The following CLCN4 variants were observed in gnomAD, a reference collection of about 807,000 sequenced individuals.
CLCN4 encodes Cl-/H+ antiporter 4, also known as H(+)/Cl(-) exchange transporter 4.
In CLCN4, 1 loss-of-function variant was observed where a neutral mutation model predicts 41.7. The ratio of observed to expected loss-of-function variants is 0.02; its 90% CI spans 0.01 to 0.11. CLCN4 has a LOEUF of 0.11. Ranked by LOEUF, CLCN4 falls within the 10% of genes least tolerant of loss-of-function variation. The pLI, the probability that CLCN4 is intolerant of heterozygous loss-of-function variation, is 1.00. For missense variants in CLCN4, 287 were observed against 661.0 expected, an observed-to-expected ratio of 0.43 and a Z score of 6.20; for synonymous variants, 277 against 285.8, an observed-to-expected ratio of 0.97 and a Z score of 0.31.
chrX:10,205,433 A>G (rs1360840682), intron 6 of CLCN4, among the ~76,000 whole-genome samples: 1 of 97,519 alleles, frequency 1.0e-5, no homozygotes, highest in Non-Finnish European at 2.0e-5. Flanking sequence ...AGACCGCACC[A>G]CTGCACTCCA....
intron 2 of CLCN4, among the ~76,000 whole-genome samples, chrX:10,178,100 G>A (rs1172333638): frequency 6.4e-5 from 7 of 109,749 alleles, no homozygotes; most frequent in South Asian, 4.0e-4. Context: ...ATAGGCAAAC[G>A]CATAGGATGG....
chrX:10,178,359 G>A (rs1023302363), intron 2 of CLCN4, among the ~76,000 whole-genome samples: 6 of 111,431 alleles, frequency 5.4e-5, no homozygotes, highest in African/African-American at 2.0e-4. Context: ...AAGTCAGAAG[G>A]AAAAGGTCTC....
chrX:10,164,068 T>C (rs924496394), intron 2 of CLCN4, among the ~76,000 whole-genome samples: 9 of 112,436 alleles, frequency 8.0e-5, no homozygotes, highest in Non-Finnish European at 1.7e-4. Context: ...AGGAAGTAGC[T>C]GTTGGATAGG....
intron 2 of CLCN4, among the ~76,000 whole-genome samples, chrX:10,163,699 C>A: frequency 8.9e-6 from 1 of 112,390 alleles, no homozygotes; most frequent in Non-Finnish European, 1.9e-5. Context: ...AGCCACTGCT[C>A]CCGGCCCCTT....
rs747978592 is a variant in CLCN4 at position 10,222,785 on chromosome X, A to G, written c.2192+1908A>G. On this transcript the variant is annotated intron_variant, in intron 12 of 12. Transcript: ENST00000380833. Reference sequence around the variant, plus strand: ...GTCCTGGTAGCAAGCACACAGGGGGACAGGCTTTGCAATTTGCAGATTTAC... The same window carrying G: ...GTCCTGGTAGCAAGCACACAGGGGGGCAGGCTTTGCAATTTGCAGATTTAC... 1.2e-3 allele frequency among the ~76,000 whole-genome samples: 137 copies of G among 111,876 alleles called. 1 individual carries two copies. Among genetic ancestry groups the G allele is most frequent in the Middle Eastern group, 4.7e-3 (1 of 215 alleles).
chrX:10,227,623 A>T (rs1274148265), intron 12 of CLCN4, among the ~76,000 whole-genome samples: 1 of 111,896 alleles, frequency 8.9e-6, no homozygotes. Flanking sequence ...GATCATTTTC[A>T]TCACCCCAAA....
At chrX:10,198,613 A>G (rs1033461843) in intron 6 of CLCN4, among the ~76,000 whole-genome samples, 2 of 111,903 alleles carry the variant, frequency 1.8e-5, no homozygotes, top group South Asian at 3.7e-4. Context: ...TGTACTGTGA[A>G]CGTACCCCCG....
At chrX:10,190,765 A>G (rs926892453) in intron 4 of CLCN4, among the ~76,000 whole-genome samples, 16 of 112,283 alleles carry the variant, frequency 1.4e-4, no homozygotes, top group Admixed American at 7.5e-4. Flanking sequence ...ATATGATTAC[A>G]ACATACAATC....
chrX:10,230,958 T>C (rs1218441780), intron 12 of CLCN4, among the ~76,000 whole-genome samples: 1 of 111,696 alleles, frequency 9.0e-6, no homozygotes, highest in Non-Finnish European at 1.9e-5. Context: ...TGATACAGAG[T>C]AGTTTCACTG....
At chrX:10,207,953 A>C in intron 8 of CLCN4, 92 bp from the exon 9 acceptor site, 1 of 760,325 alleles carries the variant, frequency 1.3e-6, no homozygotes, top group Non-Finnish European at 2.0e-6. Flanking sequence ...CCACTCTTGG[A>C]CTTAGAGTGT....
chrX:10,172,684 C>CGTGT (rs34697600), intron 2 of CLCN4, among the ~76,000 whole-genome samples: 2,655 of 89,212 alleles, frequency 0.03, 51 homozygotes, highest in African/African-American at 0.078. Flanking sequence ...AGAGGGCATG[C>CGTGT]GTGTGTGTGT....
Position 10,184,959 on chromosome X carries a change from ATTC to A in CLCN4, c.-11-57_-11-55del, listed in dbSNP as rs993397796. 9 of 955,922 alleles carry A rather than the reference ATTC, an allele frequency of 9.4e-6. No individual in the cohort carries two copies. The South Asian group carries it at 1.0e-4, about 11-fold the overall frequency. The allele number at this position is 955,922 out of a possible 1,213,427, so 78.8% of individuals were successfully genotyped here. A position where few individuals can be genotyped will look rare whatever the true frequency, so the allele number is the denominator to read the frequency against. On this transcript the variant is annotated intron_variant, in intron 2 of 12. Coordinates refer to ENST00000380833, the MANE Select transcript of CLCN4 (RefSeq NM_001830.4). ...TATAAGAAAATAGGGCACATGGACT[ATTC>A]TTCTTGCATGGCCATGGCATGTCCT...
intron 9 of CLCN4, among the ~76,000 whole-genome samples, 163 bp from the exon 10 acceptor site, chrX:10,212,304 A>T (rs1183905409): frequency 9.0e-6 from 1 of 111,272 alleles, no homozygotes; most frequent in East Asian, 2.8e-4. Context: ...AGGTCAAATT[A>T]TTTGTCCCAC....
At chrX:10,211,445 A>G (rs1281943743) in intron 9 of CLCN4, among the ~76,000 whole-genome samples, 1 of 111,100 alleles carries the variant, frequency 9.0e-6, no homozygotes, top group Non-Finnish European at 1.9e-5. Flanking sequence ...TTCATGTCTC[A>G]GGAAGATGCT....
intron 4 of CLCN4, among the ~76,000 whole-genome samples, chrX:10,191,518 T>C (rs1453931968): frequency 9.0e-6 from 1 of 111,061 alleles, no homozygotes; most frequent in Non-Finnish European, 1.9e-5. Context: ...AGTGTTTGTG[T>C]GCATGGATGT....
At chrX:10,193,914 A>G (rs1478542806) in intron 4 of CLCN4, among the ~76,000 whole-genome samples, 1 of 109,303 alleles carries the variant, frequency 9.1e-6, no homozygotes, top group Non-Finnish European at 1.9e-5. Context: ...GGCCAAGGGA[A>G]GGAAAGAGAT....
chrX:10,227,382 G>A (rs1925015457), intron 12 of CLCN4, among the ~76,000 whole-genome samples: 1 of 111,238 alleles, frequency 9.0e-6, no homozygotes, highest in Admixed American at 9.6e-5. Context: ...CAATAAACTA[G>A]GTATTGATGG....
At chrX:10,175,003 C>A (rs1431804074) in intron 2 of CLCN4, among the ~76,000 whole-genome samples, 2 of 112,277 alleles carry the variant, frequency 1.8e-5, no homozygotes, top group Non-Finnish European at 3.8e-5. Flanking sequence ...TTGGATGCAT[C>A]CGGATTCTTT....
At chrX:10,186,674 T>C (rs1923822311) in intron 3 of CLCN4, among the ~76,000 whole-genome samples, 1 of 111,609 alleles carries the variant, frequency 9.0e-6, no homozygotes, top group Non-Finnish European at 1.9e-5. Flanking sequence ...TGTTGCAGCC[T>C]CTTGGCTCTG....
Sources: allele counts gnomAD v4.1 joint callset (sites outside exome capture counted in the v4.1 genomes callset), GRCh38; gene constraint gnomAD v4.1.1; transcripts MANE v1.5; gene names NCBI Gene and HGNC (gene_info 2026-07-23, HGNC 2026-07-21).